OSBPL8: variants seen among roughly 807,000 people sequenced by gnomAD.
OSBPL8 encodes the protein oxysterol binding protein like 8.
OSBPL8 carries 59 observed loss-of-function variants against 125.5 expected under a neutral mutation model. That is an observed-to-expected ratio of 0.47 (90% confidence interval 0.38 to 0.58). The LOEUF (loss-of-function observed/expected upper bound fraction) is 0.58, where lower values mean the gene tolerates loss of function less well. Among genes scored for constraint, OSBPL8 ranks in the 20% least tolerant of loss-of-function variants. OSBPL8 has a pLI of 0.00. For missense variants in OSBPL8, 758 were observed against 1,047.8 expected (o/e 0.72, Z 3.82); for synonymous variants, 330 against 338.9 (o/e 0.97, Z 0.29).
chr12:76,526,799 C>T (rs1322906879), intron 1 of OSBPL8, among the ~76,000 whole-genome samples: 1 of 151,488 alleles, frequency 6.6e-6, no homozygotes, highest in Non-Finnish European at 1.5e-5. Context: ...TACAGGCGTG[C>T]ACCACCATGC....
chr12:76,529,185 A>G (rs1266774929), intron 1 of OSBPL8, among the ~76,000 whole-genome samples: 3 of 152,208 alleles, frequency 2.0e-5, no homozygotes, highest in Non-Finnish European at 4.4e-5. Context: ...ACAATTATTT[A>G]AAGCATTATG....
intron 1 of OSBPL8, among the ~76,000 whole-genome samples, chr12:76,525,164 C>T (rs1336866806): frequency 6.6e-6 from 1 of 152,018 alleles, no homozygotes; most frequent in Non-Finnish European, 1.5e-5. Context: ...TTGTTTGAAT[C>T]CTGATACGAA....
intron 3 of OSBPL8, among the ~76,000 whole-genome samples, chr12:76,458,444 C>T (rs1016474879): frequency 2.6e-5 from 4 of 151,722 alleles, no homozygotes; most frequent in Admixed American, 6.6e-5. Context: ...AATCCCAACA[C>T]TCTGGGAGGC....
Position 76,399,974 on chromosome 12 carries a change from C to A in OSBPL8, c.367G>T (p.Val123Leu). ...SKLTKKESLK[V>L]QKKNYREEKK... The stretch of plus-strand genomic sequence containing the variant: ...TCTTCTCGGTAATTTTTCTTTTGTA[C>A]CTATTTTATAGAAATAATAGAAAAG... Residue 123 changes from valine to leucine, a missense_variant and splice_region_variant, in exon 7 of 24, where the codon GTA (valine) becomes TTA (leucine). Val to Leu is a conservative substitution (Grantham distance 32). Around this residue, in one of 3 missense-constraint regions of OSBPL8, gnomAD observed 69 missense variants for 148.7 expected, o/e 0.46. Coordinates refer to ENST00000261183, the MANE Select transcript of OSBPL8 (RefSeq NM_020841.5). 1 of 1,590,128 alleles carries A rather than the reference C, an allele frequency of 6.3e-7. No individual in the cohort carries two copies. Among genetic ancestry groups the A allele is most frequent in the Non-Finnish European group, 8.5e-7 (1 of 1,171,016 alleles).
chr12:76,548,230 C>T (rs1190176665), intron 1 of OSBPL8, among the ~76,000 whole-genome samples: 1 of 151,946 alleles, frequency 6.6e-6, no homozygotes, highest in Non-Finnish European at 1.5e-5. Context: ...AAAGAAAATC[C>T]AACAAATTTC....
At chr12:76,361,791 TG>T (rs1208179145) in intron 21 of OSBPL8, among the ~76,000 whole-genome samples, 1 of 152,166 alleles carries the variant, frequency 6.6e-6, no homozygotes, top group Non-Finnish European at 1.5e-5. Context: ...GAGAACAGCA[TG>T]GGGGAAACCA....
At chr12:76,498,184 C>G (rs1879478453) in intron 1 of OSBPL8, among the ~76,000 whole-genome samples, 1 of 152,194 alleles carries the variant, frequency 6.6e-6, no homozygotes, top group Non-Finnish European at 1.5e-5. Flanking sequence ...GCGGGCGGAT[C>G]ACCTGAGGTC....
intron 14 of OSBPL8, 59 bp from the exon 15 acceptor site, chr12:76,384,409 A>G: frequency 2.1e-6 from 2 of 958,582 alleles, no homozygotes; most frequent in Non-Finnish European, 3.0e-6. Context: ...TATATAAAAT[A>G]TAAAAAGATA....
chr12:76,447,365 A>G (rs1021485960), intron 4 of OSBPL8, among the ~76,000 whole-genome samples: 1 of 152,200 alleles, frequency 6.6e-6, no homozygotes, highest in East Asian at 1.9e-4. Context: ...ATGAAGTACT[A>G]CACACTCCCT....
At chr12:76,415,416 T>G (rs1868515070) in intron 4 of OSBPL8, among the ~76,000 whole-genome samples, 2 of 151,872 alleles carry the variant, frequency 1.3e-5, no homozygotes, top group Non-Finnish European at 2.9e-5. Flanking sequence ...CCCAGCTAAT[T>G]TTTGTATTTT....
chr12:76,462,670 G>T (rs1237461949), intron 2 of OSBPL8, among the ~76,000 whole-genome samples: 1 of 151,996 alleles, frequency 6.6e-6, no homozygotes, highest in East Asian at 1.9e-4. Context: ...AACTAGGGGG[G>T]GAAATAAGTA....
chr12:76,523,831 G>C (rs1387270740), intron 1 of OSBPL8, among the ~76,000 whole-genome samples: 1 of 152,120 alleles, frequency 6.6e-6, no homozygotes, highest in Non-Finnish European at 1.5e-5. Flanking sequence ...AGCAGACTTA[G>C]ACATCCATGT....
At position 76,356,640 on chromosome 12, in the gene OSBPL8, CTG is replaced by C; in HGVS notation, c.2521_2522del (p.Gln841GlyfsTer4). 6.3e-7 allele frequency: 1 copy of C among 1,596,396 alleles called. No individual in the cohort carries two copies. Among genetic ancestry groups the C allele is most frequent in the Non-Finnish European group, 8.6e-7 (1 of 1,165,756 alleles). ...QSSIESIKQT[Q>X]EEIKRNIMAL... ...TATATTATTACCTTTTAATTTCTTC[CTG>C]TGTTTGTTTTATAGATTCGATGGAA... On this transcript the variant is annotated frameshift_variant, in exon 23 of 24. Transcript: ENST00000261183. LOFTEE classifies it high-confidence loss of function.
chr12:76,468,385 G>C (rs1158190332), intron 2 of OSBPL8, among the ~76,000 whole-genome samples: 4 of 152,146 alleles, frequency 2.6e-5, no homozygotes, highest in African/African-American at 9.7e-5. Context: ...CTAAAATTCT[G>C]TCTAGTAAAA....
At chr12:76,466,962 C>CAA (rs775342431) in intron 2 of OSBPL8, among the ~76,000 whole-genome samples, 3 of 130,262 alleles carry the variant, frequency 2.3e-5, no homozygotes, top group Non-Finnish European at 3.3e-5. Flanking sequence ...AACTCTGTCT[C>CAA]AAAAAAAAAA....
chr12:76,421,650 T>C (rs531651428), intron 4 of OSBPL8, among the ~76,000 whole-genome samples: 9 of 152,156 alleles, frequency 5.9e-5, no homozygotes, highest in South Asian at 4.1e-4. Context: ...AATACAAGTA[T>C]CAGTTTCAGT....
intron 2 of OSBPL8, among the ~76,000 whole-genome samples, chr12:76,471,620 C>G (rs778842781): frequency 1.2e-4 from 19 of 152,194 alleles, no homozygotes; most frequent in Admixed American, 6.5e-5. Context: ...AGTTGTTCAA[C>G]AACATGGTTG....
intron 2 of OSBPL8, among the ~76,000 whole-genome samples, chr12:76,463,781 G>T (rs1875035235): frequency 6.6e-6 from 1 of 152,192 alleles, no homozygotes; most frequent in Non-Finnish European, 1.5e-5. Flanking sequence ...AGAGTTGCTT[G>T]TAAGTGATGC....
intron 1 of OSBPL8, among the ~76,000 whole-genome samples, chr12:76,500,407 T>C (rs1879776458): frequency 6.6e-6 from 1 of 152,230 alleles, no homozygotes; most frequent in African/African-American, 2.4e-5. Flanking sequence ...ATATATTACC[T>C]TCTTCACGAA....
Sources: allele counts gnomAD v4.1 joint callset (sites outside exome capture counted in the v4.1 genomes callset), GRCh38; gene constraint gnomAD v4.1.1; regional missense constraint gnomAD v4.1.1; transcripts MANE v1.5; gene names NCBI Gene and HGNC (gene_info 2026-07-23, HGNC 2026-07-21).